Variants in SPEF2 observed in about 807,000 individuals in gnomAD.
SPEF2 encodes sperm flagella and cilia-associated protein 2.
SPEF2 carries 187 observed loss-of-function variants against 224.6 expected under a neutral mutation model. The ratio of observed to expected loss-of-function variants is 0.83; its 90% CI spans 0.74 to 0.94. The LOEUF (loss-of-function observed/expected upper bound fraction) is 0.94, where lower values mean the gene tolerates loss of function less well. Ranked by LOEUF, SPEF2 falls within the 40% of genes least tolerant of loss-of-function variation. The pLI is 0.00. For missense variants in SPEF2, 2,170 were observed against 2,135.6 expected, an observed-to-expected ratio of 1.02 and a Z score of -0.32; for synonymous variants, 715 against 707.3, an observed-to-expected ratio of 1.01 and a Z score of -0.17.
At chr5:35,633,857 C>T (rs1163767747) in intron 2 of SPEF2, among the ~76,000 whole-genome samples, 1 of 151,812 alleles carries the variant, frequency 6.6e-6, no homozygotes, top group African/African-American at 2.4e-5. Flanking sequence ...TAATTTAAAT[C>T]AAACTATTCA....
intron 18 of SPEF2, among the ~76,000 whole-genome samples, chr5:35,708,488 T>A (rs1348375928): frequency 8.4e-6 from 1 of 119,720 alleles, no homozygotes; most frequent in African/African-American, 3.3e-5. Context: ...TTATACCTGC[T>A]CCGTACACAC....
chr5:35,673,002 A>G (rs1031687498), intron 10 of SPEF2, among the ~76,000 whole-genome samples: 2 of 152,040 alleles, frequency 1.3e-5, no homozygotes, highest in African/African-American at 4.8e-5. Flanking sequence ...AAATCATCAC[A>G]CTCTATTTAT....
At position 35,767,782 on chromosome 5, in the gene SPEF2, T is replaced by C. The variant is rs574043222; in HGVS notation, c.3802-3827T>C. On this transcript the variant is annotated intron_variant, in intron 26 of 36. Transcript: ENST00000356031. ...TTTTTTATAAATGGGATATGATGTG[T>C]ATAAGGATACTAAAATGATTTTTCA... 1.3e-3 allele frequency among the ~76,000 whole-genome samples: 192 copies of C among 152,208 alleles called. 1 individual carries two copies. Among genetic ancestry groups the C allele is most frequent in the African/African-American group, 4.5e-3 (189 of 41,560 alleles).
chr5:35,649,384 G>A lies in SPEF2; in HGVS notation c.750G>A (p.Lys250=). The change falls in exon 6 of 37, where the codon AAG becomes AAA. Residue 250 remains lysine, a synonymous_variant. Transcript: ENST00000356031. ...EAEDVADEIK[K]FEALIKKDLQ... ...AGGATGTGGCTGATGAAATTAAGAA[G>A]TTCGAAGCATTAATAAAAAAGGATC... 6.2e-7 allele frequency: 1 copy of A among 1,612,242 alleles called. No individual in the cohort carries two copies. The highest frequency in any genetic ancestry group is 8.5e-7 in the Non-Finnish European group (1 of 1,179,330).
rs771683040 is a variant in SPEF2 at position 35,729,324 on chromosome 5, G to A, written c.3063+1501G>A. Among the ~76,000 whole-genome samples, 6 of 152,098 alleles carry A rather than the reference G, an allele frequency of 3.9e-5. 1 individual carries two copies. The highest frequency in any genetic ancestry group is 3.9e-4 in the Admixed American group (6 of 15,270). Reference sequence around the variant, plus strand: ...GGTGCAGAAAGGAAGTAGATCCTTGGGCCTCAAGAGAACTTCTGCACTTAG... The same window carrying A: ...GGTGCAGAAAGGAAGTAGATCCTTGAGCCTCAAGAGAACTTCTGCACTTAG... On this transcript the variant is annotated intron_variant, in intron 21 of 36. Transcript: ENST00000356031.
chr5:35,799,113 C>G (rs1757071859), intron 33 of SPEF2, among the ~76,000 whole-genome samples: 1 of 152,182 alleles, frequency 6.6e-6, no homozygotes, highest in South Asian at 2.1e-4. Flanking sequence ...GTACCTGGAA[C>G]CTTGCTAGAC....
chr5:35,687,457 G>A (rs947542023), intron 10 of SPEF2, among the ~76,000 whole-genome samples: 1 of 145,270 alleles, frequency 6.9e-6, no homozygotes, highest in Non-Finnish European at 1.5e-5. Flanking sequence ...ATTTCTTCTT[G>A]CACTTTAACA....
chr5:35,805,482 G>C (rs1287690998), intron 34 of SPEF2, among the ~76,000 whole-genome samples: 1 of 151,996 alleles, frequency 6.6e-6, no homozygotes, highest in East Asian at 1.9e-4. Flanking sequence ...TTACAGCATT[G>C]GCACCCTCCT....
At chr5:35,735,751 ATTGT>A (rs1272397470) in intron 21 of SPEF2, among the ~76,000 whole-genome samples, 1 of 152,192 alleles carries the variant, frequency 6.6e-6, no homozygotes, top group Admixed American at 6.5e-5. Context: ...CTTGGTTTTG[ATTGT>A]TTATTTGCAT....
At chr5:35,632,439 G>A (rs1561101566) in intron 2 of SPEF2, among the ~76,000 whole-genome samples, 1 of 152,056 alleles carries the variant, frequency 6.6e-6, no homozygotes, top group Non-Finnish European at 1.5e-5. Flanking sequence ...GACCAACATG[G>A]GGGAAGCTGT....
At chr5:35,697,197 A>C (rs1192058774) in intron 14 of SPEF2, among the ~76,000 whole-genome samples, 1 of 152,202 alleles carries the variant, frequency 6.6e-6, no homozygotes, top group Non-Finnish European at 1.5e-5. Flanking sequence ...CCTATAAATA[A>C]CAAGTATAAA....
intron 3 of SPEF2, 104 bp from the exon 4 acceptor site, chr5:35,644,251 T>G: frequency 9.9e-7 from 1 of 1,007,100 alleles, no homozygotes; most frequent in South Asian, 2.2e-5. Flanking sequence ...TCAACAATAG[T>G]AATTTAAAGA....
At chr5:35,710,428 G>A (rs746827729) in intron 19 of SPEF2, 19 of 496,438 alleles carry the variant, frequency 3.8e-5, no homozygotes, top group Non-Finnish European at 4.7e-5. Context: ...GTGGTGGCAG[G>A]CACCTGTAAT....
chr5:35,711,936 A>G (rs1741232377), intron 19 of SPEF2, among the ~76,000 whole-genome samples: 1 of 152,202 alleles, frequency 6.6e-6, no homozygotes, highest in African/African-American at 2.4e-5. Flanking sequence ...GAAAATAATT[A>G]AAATCATTTG....
chr5:35,671,588 A>T (rs1751224360), intron 10 of SPEF2: 2 of 892,688 alleles, frequency 2.2e-6, no homozygotes, highest in Middle Eastern at 1.1e-3. Context: ...TTACTGGTTC[A>T]TCGAATGTTT....
intron 24 of SPEF2, among the ~76,000 whole-genome samples, chr5:35,754,976 G>A (rs929374328): frequency 6.6e-6 from 1 of 152,220 alleles, no homozygotes; most frequent in African/African-American, 2.4e-5. Flanking sequence ...CCTTCAAAGG[G>A]ACAATTCATG....
chr5:35,737,216 GA>G lies in SPEF2; in HGVS notation c.3064-2702del, dbSNP rs1746765161. Among the ~76,000 whole-genome samples the G allele has an allele frequency of 5.9e-5, 9 of 151,874 alleles. No homozygotes were observed. In the South Asian group the frequency reaches 1.3e-3, roughly 21 times the overall value. ...TCTTCTTTCACCTTGTCTCTCTTAT[GA>G]TTTTTTTTATTATACTTTTAAGTTT... On this transcript the variant is annotated intron_variant, in intron 21 of 36. Transcript: ENST00000356031.
intron 30 of SPEF2, chr5:35,791,617 G>A (rs1282201756): frequency 6.6e-6 from 1 of 152,010 alleles, no homozygotes; most frequent in African/African-American, 2.4e-5. Context: ...TTTTTTAAAA[G>A]CAGATTCATT....
At chr5:35,704,478 T>G in intron 16 of SPEF2, 76 bp from the exon 17 acceptor site, 2 of 876,926 alleles carry the variant, frequency 2.3e-6, no homozygotes. Context: ...TTTGGCATCT[T>G]TCACCAGTAT....
Sources: gnomAD v4.1 joint callset for allele counts (sites outside exome capture counted in the v4.1 genomes callset) on GRCh38, gnomAD v4.1.1 for gene constraint, MANE v1.5 for transcripts, NCBI Gene and HGNC (gene_info 2026-07-23, HGNC 2026-07-21) for gene names.